The following ERCC6L2 variants were observed in gnomAD, a reference collection of about 807,000 sequenced individuals.
ERCC6L2 encodes ERCC excision repair 6 like 2, also known as DNA excision repair protein ERCC-6-like 2.
A neutral mutation model predicts 132.0 loss-of-function variants in ERCC6L2; 77 were observed. The observed-to-expected ratio is 0.58, with a 90% CI of 0.49 to 0.71. The LOEUF (loss-of-function observed/expected upper bound fraction) is 0.71, where lower values mean the gene tolerates loss of function less well. Among genes scored for constraint, ERCC6L2 ranks in the 30% least tolerant of loss-of-function variants. The pLI, the probability that ERCC6L2 is intolerant of heterozygous loss-of-function variation, is 0.00. For missense variants in ERCC6L2, 1,542 were observed against 1,837.6 expected (o/e 0.84, Z 2.94); for synonymous variants, 583 against 632.4 (o/e 0.92, Z 1.17).
chr9:95,880,526 A>C (rs978381179), intron 1 of ERCC6L2, among the ~76,000 whole-genome samples: 2 of 152,160 alleles, frequency 1.3e-5, no homozygotes, highest in African/African-American at 2.4e-5. Flanking sequence ...AATAACAACC[A>C]AACAAAACAA....
chr9:95,947,186 A>T (rs1015374600), intron 12 of ERCC6L2, among the ~76,000 whole-genome samples: 7 of 152,174 alleles, frequency 4.6e-5, no homozygotes, highest in Non-Finnish European at 1.0e-4. Context: ...GCAAAGGAAA[A>T]GTTCTTGAAG....
chr9:96,020,939 C>T (rs763062452), downstream of ERCC6L2: 6 of 456,716 alleles, frequency 1.3e-5, no homozygotes, highest in Non-Finnish European at 1.3e-5. Context: ...CCAAGACGCG[C>T]GGGCCGGGGA....
chr9:96,003,606 A>G (rs1450748770), intron 17 of ERCC6L2, among the ~76,000 whole-genome samples: 2 of 152,116 alleles, frequency 1.3e-5, no homozygotes, highest in Non-Finnish European at 2.9e-5. Context: ...TCCATCTCCC[A>G]TTTCCACATG....
At position 95,986,214 on chromosome 9, in the gene ERCC6L2, G is replaced by C. The variant is rs999701841; in HGVS notation, c.3492+7999G>C. 3.3e-5 allele frequency among the ~76,000 whole-genome samples: 5 copies of C among 152,238 alleles called. 1 individual carries two copies. The Middle Eastern group carries it at 0.017, about 518-fold the overall frequency. ...TATGTACAACATGCTTTTGAGTGCA[G>C]GCAATAGAATAACCATCAAAAATTG... On this transcript the variant is annotated intron_variant, in intron 17 of 18. Transcript: ENST00000653738.
intron 17 of ERCC6L2, among the ~76,000 whole-genome samples, chr9:95,993,871 C>G (rs59375678): frequency 2.0e-5 from 3 of 152,112 alleles, no homozygotes; most frequent in African/African-American, 7.2e-5. Context: ...AATCTAAATG[C>G]TGTTGTTTTT....
At chr9:95,963,831 A>T (rs1221307159) in intron 13 of ERCC6L2, among the ~76,000 whole-genome samples, 2 of 152,120 alleles carry the variant, frequency 1.3e-5, no homozygotes, top group Non-Finnish European at 2.9e-5. Flanking sequence ...CAGGCCAAGC[A>T]GTATTGGCAG....
rs769252382 is a variant in ERCC6L2 at position 95,921,306 on chromosome 9, T to C, written c.1290T>C (p.Cys430=). The change falls in exon 7 of 19, where the codon TGT becomes TGC. Residue 430 remains cysteine (C), a synonymous_variant. Coordinates refer to ENST00000653738, the MANE Select transcript of ERCC6L2 (RefSeq NM_020207.7). ...GGAGTGGCCAAAAAAGGAGAAATTG[T>C]TGTTATAAGGCAAGCATTTCAATAT... ...TCRSGQKRRN[C]CYKTNSHGET... is the part of the protein sequence containing the mutation. 1 of 1,611,646 alleles carries C rather than the reference T, an allele frequency of 6.2e-7. No homozygotes were observed. The highest frequency in any genetic ancestry group is 8.5e-7 in the Non-Finnish European group (1 of 1,179,022).
chr9:96,009,278 A>G (rs1833955599), intron 18 of ERCC6L2, among the ~76,000 whole-genome samples: 1 of 152,188 alleles, frequency 6.6e-6, no homozygotes, highest in Admixed American at 6.5e-5. Flanking sequence ...TATGTGCCTT[A>G]TTGGCTTTGG....
chr9:95,924,231 TGATCTA>T (rs1273232005), intron 9 of ERCC6L2, among the ~76,000 whole-genome samples: 2 of 152,104 alleles, frequency 1.3e-5, no homozygotes, highest in African/African-American at 4.8e-5. Context: ...TTTTAGCAAT[TGATCTA>T]GATAAGTTCA....
At chr9:95,931,125 A>G (rs1263279340) in intron 11 of ERCC6L2, among the ~76,000 whole-genome samples, 1 of 152,128 alleles carries the variant, frequency 6.6e-6, no homozygotes, top group South Asian at 2.1e-4. Flanking sequence ...CTTAACATCA[A>G]CCTCATATGA....
chr9:95,976,645 A>G (rs995384067), intron 16 of ERCC6L2, among the ~76,000 whole-genome samples: 12 of 152,108 alleles, frequency 7.9e-5, no homozygotes, highest in African/African-American at 2.7e-4. Context: ...GTATCTTGTT[A>G]TCTAATTTTG....
chr9:95,955,955 G>A lies in ERCC6L2; in HGVS notation c.1889G>A (p.Arg630Lys). ...CAATGTAGAGATGTCAAAGTGCTTA[G>A]GCTGATATCCTTGGGAACTGTGGAG... ...IGQCRDVKVL[R>K]LISLGTVEEI... Residue 630 changes from arginine (R) to lysine (K), a missense_variant, in exon 13 of 19, where the codon AGG becomes AAG. By Grantham distance (26) the Arg-to-Lys change is conservative. Around this residue, in one of 4 missense-constraint regions of ERCC6L2, gnomAD observed 945 missense variants for 1,105.2 expected, o/e 0.86. Coordinates refer to ENST00000653738, the MANE Select transcript of ERCC6L2 (RefSeq NM_020207.7). 6.2e-7 allele frequency: 1 copy of A among 1,608,086 alleles called. No homozygotes were observed. The highest frequency in any genetic ancestry group is 8.5e-7 in the Non-Finnish European group (1 of 1,177,024).
chr9:96,027,815 T>C (rs73654815), intron 19 of ERCC6L2: 8,269 of 152,468 alleles, frequency 0.054, 781 homozygotes, highest in African/African-American at 0.19. Flanking sequence ...CTCCTCAGCC[T>C]TCTACTGAAT....
intron 2 of ERCC6L2, among the ~76,000 whole-genome samples, chr9:95,884,313 A>C (rs1827750187): frequency 6.6e-6 from 1 of 152,198 alleles, no homozygotes. Flanking sequence ...TGAAAGACCC[A>C]TTTAAGGTAG....
At position 96,012,218 on chromosome 9, in the gene ERCC6L2, T is replaced by A. The variant is rs1834048744; in HGVS notation, c.3675-7T>A. On this transcript the variant is annotated splice_region_variant and splice_polypyrimidine_tract_variant and intron_variant, in intron 18 of 18. Coordinates refer to ENST00000653738, the MANE Select transcript of ERCC6L2 (RefSeq NM_020207.7). ...ATAACCACTAGTTTTGTTCATTTAA[T>A]CTTTAGAAAACAATTTGAAGAAATG... 4.0e-5 allele frequency: 50 copies of A among 1,236,438 alleles called. No homozygotes were observed. The highest frequency in any genetic ancestry group is 5.2e-5 in the Non-Finnish European group (50 of 955,124). The allele number at this position is 1,236,438 out of a possible 1,614,324, so 76.6% of individuals were successfully genotyped here. A position where few individuals can be genotyped will look rare whatever the true frequency, so the allele number is the denominator to read the frequency against.
chr9:95,990,667 C>G (rs1407041380), intron 17 of ERCC6L2, among the ~76,000 whole-genome samples: 4 of 152,196 alleles, frequency 2.6e-5, no homozygotes, highest in African/African-American at 9.7e-5. Context: ...CGAACAAACG[C>G]TGCAACCAGC....
At chr9:95,919,061 G>T (rs1013242637) in intron 6 of ERCC6L2, among the ~76,000 whole-genome samples, 1 of 152,046 alleles carries the variant, frequency 6.6e-6, no homozygotes, top group Non-Finnish European at 1.5e-5. Flanking sequence ...TAGAGACAGG[G>T]TTTCACCATC....
At chr9:95,934,716 A>G (rs1221079822) in intron 11 of ERCC6L2, among the ~76,000 whole-genome samples, 1 of 152,190 alleles carries the variant, frequency 6.6e-6, no homozygotes, top group East Asian at 1.9e-4. Context: ...CATACTTACT[A>G]ACTTGTGAGG....
chr9:95,939,616 A>G (rs1294432912), intron 11 of ERCC6L2, among the ~76,000 whole-genome samples: 1 of 151,918 alleles, frequency 6.6e-6, no homozygotes, highest in East Asian at 1.9e-4. Flanking sequence ...TTTGTATTTC[A>G]GCTATTTTTC....
Sources: gnomAD v4.1 joint callset for allele counts (sites outside exome capture counted in the v4.1 genomes callset) on GRCh38, gnomAD v4.1.1 for gene constraint, gnomAD v4.1.1 regional missense constraint, MANE v1.5 for transcripts, NCBI Gene and HGNC (gene_info 2026-07-23, HGNC 2026-07-21) for gene names.